The following SLC37A1 variants were observed in gnomAD, a reference collection of about 807,000 sequenced individuals.
The protein encoded by SLC37A1 is solute carrier family 37 member 1, also known as glucose-6-phosphate exchanger SLC37A1.
In SLC37A1, 49 loss-of-function variants were observed where a neutral mutation model predicts 75.3. That is an observed-to-expected ratio of 0.65 (90% CI 0.52 to 0.83). The LOEUF (loss-of-function observed/expected upper bound fraction) is 0.83, where lower values mean the gene tolerates loss of function less well. Ranked by LOEUF, SLC37A1 falls within the 40% of genes least tolerant of loss-of-function variation. SLC37A1 has a pLI of 0.00. For missense variants in SLC37A1, 566 were observed against 695.0 expected, an observed-to-expected ratio of 0.81 and a Z score of 2.09; for synonymous variants, 268 against 292.1, an observed-to-expected ratio of 0.92 and a Z score of 0.84.
At chr21:42,565,978 A>C in intron 15 of SLC37A1, 103 bp downstream of exon 15, 1 of 1,215,242 alleles carries the variant, frequency 8.2e-7, no homozygotes, top group Non-Finnish European at 1.2e-6. Context: ...GAGCTGGTTT[A>C]ACTGGAGCAC....
At chr21:42,541,480 C>T (rs2055281164) in intron 6 of SLC37A1, among the ~76,000 whole-genome samples, 1 of 152,202 alleles carries the variant, frequency 6.6e-6, no homozygotes, top group African/African-American at 2.4e-5. Flanking sequence ...GTAGAGCCAC[C>T]CCCGAGTCTC....
At chr21:42,571,038 T>C (rs1173458378) in intron 17 of SLC37A1, among the ~76,000 whole-genome samples, 1 of 152,204 alleles carries the variant, frequency 6.6e-6, no homozygotes, top group Non-Finnish European at 1.5e-5. Flanking sequence ...CCACTGCCCA[T>C]CAGTGCCTGC....
At position 42,562,081 on chromosome 21, in the gene SLC37A1, G is replaced by A. The variant is rs767244800; in HGVS notation, c.985G>A (p.Val329Met). ...SFTGALKIPGVIEFSLCLLFA... is the reference protein window; with the variant it reads ...SFTGALKIPGMIEFSLCLLFA... ...GCCTGACTGCTCTCTCTTTCAGGGC[G>A]TGATAGAGTTCTCACTGTGTCTGCT... The change falls in exon 12 of 20, where the codon GTG becomes ATG. Residue 329 changes from valine (V) to methionine (M), a missense_variant. Coordinates refer to ENST00000352133, the MANE Select transcript of SLC37A1 (RefSeq NM_001320537.2). 18 of 1,613,920 alleles carry A rather than the reference G, an allele frequency of 1.1e-5. No homozygotes were observed. Among genetic ancestry groups the A allele is most frequent in the African/African-American group, 4.0e-5 (3 of 74,934 alleles).
intron 3 of SLC37A1, among the ~76,000 whole-genome samples, chr21:42,531,984 G>A (rs978164978): frequency 9.9e-5 from 15 of 151,998 alleles, no homozygotes; most frequent in South Asian, 2.1e-4. Flanking sequence ...TCCCAGGGGC[G>A]GAGGGCCAGA....
At chr21:42,532,644 G>T (rs1264916475) in intron 3 of SLC37A1, among the ~76,000 whole-genome samples, 1 of 152,150 alleles carries the variant, frequency 6.6e-6, no homozygotes, top group African/African-American at 2.4e-5. Context: ...CAGAGAGGAA[G>T]GGCTGCAGGC....
intron 2 of SLC37A1, among the ~76,000 whole-genome samples, chr21:42,508,455 A>G (rs2054404983): frequency 6.6e-6 from 1 of 152,148 alleles, no homozygotes; most frequent in Non-Finnish European, 1.5e-5. Flanking sequence ...TGCAGACCCC[A>G]TAAAAATTTT....
At chr21:42,513,035 G>T (rs558042779), upstream of SLC37A1, among the ~76,000 whole-genome samples, 2 of 152,300 alleles carry the variant, frequency 1.3e-5, no homozygotes, top group South Asian at 4.1e-4. Context: ...TTTATCCGGG[G>T]GCAGGCTTTT....
At chr21:42,506,102 G>A (rs775496260) in intron 2 of SLC37A1, among the ~76,000 whole-genome samples, 5 of 152,200 alleles carry the variant, frequency 3.3e-5, no homozygotes, top group South Asian at 2.1e-4. Context: ...TACTGGCATC[G>A]CAGGCCTCGT....
At position 42,518,145 on chromosome 21, in the gene SLC37A1, G is replaced by A. The variant is rs938681495; in HGVS notation, c.-178-132G>A. ...AGTAACACTGCTGGTGGGGGCCCCT[G>A]CTTGTATCAGACGTGCAGCTTTGAT... On this transcript the variant is annotated intron_variant, in intron 1 of 19. Transcript: ENST00000352133. 1.4e-5 allele frequency: 5 copies of A among 361,742 alleles called. No homozygotes were observed. In the Admixed American group the frequency reaches 2.0e-4, roughly 14 times the overall value. The allele number at this position is 361,742 out of a possible 1,614,324, so 22.4% of individuals were successfully genotyped here.
At chr21:42,570,878 C>G (rs1368117218) in intron 17 of SLC37A1, among the ~76,000 whole-genome samples, 2 of 152,154 alleles carry the variant, frequency 1.3e-5, no homozygotes, top group African/African-American at 2.4e-5. Context: ...TGCCTTTGGC[C>G]CCTCACAAGG....
chr21:42,529,730 G>C (rs2054896320), intron 3 of SLC37A1, among the ~76,000 whole-genome samples: 1 of 152,202 alleles, frequency 6.6e-6, no homozygotes, highest in South Asian at 2.1e-4. Context: ...AGATCGCCAG[G>C]AAATATGTGA....
intron 3 of SLC37A1, among the ~76,000 whole-genome samples, chr21:42,531,509 G>A (rs2054978877): frequency 6.6e-6 from 1 of 152,230 alleles, no homozygotes; most frequent in South Asian, 2.1e-4. Flanking sequence ...GATTTTGTAT[G>A]TAACTTGTTG....
rs145668716 is a variant in SLC37A1 at position 42,565,730 on chromosome 21, G to A, written c.1222-97G>A. 38 of 1,165,246 alleles carry A rather than the reference G, an allele frequency of 3.3e-5. No individual in the cohort carries two copies. In the East Asian group the frequency reaches 8.9e-4, roughly 27 times the overall value. 72.2% of individuals were successfully genotyped at this position (1,165,246 alleles called of 1,614,324 possible). On this transcript the variant is annotated intron_variant, in intron 14 of 19. Transcript: ENST00000352133. Reference sequence around the variant, plus strand: ...GTTTCCACTCTTGGGATGGCTGCCTGAGAATCACCCGCCGGGTTTTTGAGA... The same window carrying A: ...GTTTCCACTCTTGGGATGGCTGCCTAAGAATCACCCGCCGGGTTTTTGAGA...
rs575862985 is a variant in SLC37A1, at chr21:42,561,033, T to C, written c.982-1045T>C. Among the ~76,000 whole-genome samples, 27 of 152,268 alleles carry C rather than the reference T, an allele frequency of 1.8e-4. No individual in the cohort carries two copies. In the South Asian group the frequency reaches 5.6e-3, roughly 32 times the overall value. ...GTAATACCATATGTTGTTCTGAGGA[T>C]GAAGTGAGGTCATTTAATGACAACT... On this transcript the variant is annotated intron_variant, in intron 11 of 19. Transcript: ENST00000352133.
At chr21:42,550,024 T>C (rs561145730) in intron 9 of SLC37A1, among the ~76,000 whole-genome samples, 16 of 152,292 alleles carry the variant, frequency 1.1e-4, no homozygotes, top group African/African-American at 3.1e-4. Context: ...TGCAAGCAAA[T>C]AGCAATCATC....
At position 42,580,955 on chromosome 21, in the gene SLC37A1, C is replaced by T. The variant is rs554768711; in HGVS notation, c.*595C>T. Reference sequence around the variant, plus strand: ...GGCTTTTCCAGCACCCATGATGTTTCGGACTGACCTAAAAACTAATTGTCG... The same window carrying T: ...GGCTTTTCCAGCACCCATGATGTTTTGGACTGACCTAAAAACTAATTGTCG... On this transcript the variant is annotated 3_prime_UTR_variant, in exon 20 of 20. Transcript: ENST00000352133. 2 of 154,080 alleles carry T rather than the reference C, an allele frequency of 1.3e-5. No individual in the cohort carries two copies. The highest frequency in any genetic ancestry group is 2.4e-5 in the African/African-American group (1 of 41,582). The allele number at this position is 154,080 out of a possible 1,614,324, so 9.5% of individuals were successfully genotyped here. A position where few individuals can be genotyped will look rare whatever the true frequency, so the allele number is the denominator to read the frequency against.
At chr21:42,544,201 G>A (rs1189349065) in intron 8 of SLC37A1, among the ~76,000 whole-genome samples, 2 of 152,306 alleles carry the variant, frequency 1.3e-5, no homozygotes, top group East Asian at 3.9e-4. Flanking sequence ...GGCCCTGGCG[G>A]TCACACGACA....
intron 8 of SLC37A1, among the ~76,000 whole-genome samples, chr21:42,546,765 C>T (rs972802252): frequency 8.5e-5 from 13 of 152,118 alleles, no homozygotes; most frequent in Admixed American, 3.3e-4. Flanking sequence ...TTTTCTGAAA[C>T]GAATGCCAAT....
At chr21:42,544,539 C>G (rs569679419) in intron 8 of SLC37A1, among the ~76,000 whole-genome samples, 2 of 152,342 alleles carry the variant, frequency 1.3e-5, no homozygotes, top group East Asian at 3.9e-4. Context: ...AATAAACATT[C>G]AGATGAGGAA....
Sources: allele counts gnomAD v4.1 joint callset (sites outside exome capture counted in the v4.1 genomes callset), GRCh38; gene constraint gnomAD v4.1.1; transcripts MANE v1.5; gene names NCBI Gene and HGNC (gene_info 2026-07-23, HGNC 2026-07-21).